ARL8A: variants seen among roughly 807,000 people sequenced by gnomAD.
The protein encoded by ARL8A is ADP-ribosylation factor-like protein 8A.
Under a neutral mutation model 31.2 loss-of-function variants are expected in ARL8A, and 10 were observed. That is an observed-to-expected ratio of 0.32 (90% CI 0.20 to 0.54). The LOEUF (loss-of-function observed/expected upper bound fraction) is 0.54, where lower values mean the gene tolerates loss of function less well. Among genes scored for constraint, ARL8A ranks in the 20% least tolerant of loss-of-function variants. The probability of loss-of-function intolerance (pLI) is 0.93; values close to 1 mark genes in which losing one functional copy is unlikely to be tolerated. For missense variants in ARL8A, 129 were observed against 242.8 expected (o/e 0.53, Z 3.12); for synonymous variants, 70 against 86.9 (o/e 0.81, Z 1.08).
chr1:202,141,597 G>C (rs1242054474), intron 1 of ARL8A, among the ~76,000 whole-genome samples: 1 of 149,600 alleles, frequency 6.7e-6, no homozygotes, highest in Non-Finnish European at 1.5e-5. Flanking sequence ...AGCCGAGACT[G>C]TACCACTGCA....
Position 202,134,546 on chromosome 1 carries a change from G to A in ARL8A, c.512-30C>T, listed in dbSNP as rs750746128. 1 of 1,598,778 alleles carries A rather than the reference G, an allele frequency of 6.3e-7. No homozygotes were observed. The highest frequency in any genetic ancestry group is 1.3e-5 in the African/African-American group (1 of 74,612). ...TAGGAGAAAAGAGAACAGCTTATAA[G>A]GCCTGCAAGTACTGGCCGTGCTGGG... is the stretch of plus-strand genomic sequence containing the variant. On this transcript the variant is annotated intron_variant, in intron 6 of 6. Transcript: ENST00000272217. The surrounding 1 kb of genome is among the most constrained non-coding windows in gnomAD (Gnocchi z 4.2).
Position 202,138,007 on chromosome 1 carries a change from C to T in ARL8A, c.236G>A (p.Arg79His), listed in dbSNP as rs1483120919. ...LWDIGGQPRF[R>H]SMWERYCRGV... The stretch of plus-strand genomic sequence containing the variant: ...TCGGCAGTAGCGCTCCCACATGCTG[C>T]GGAAACGCGGCTGTCCCCCAATGTC... Residue 79 changes from arginine (R) to histidine (H), a missense_variant, in exon 3 of 7, where the codon CGC becomes CAC. Arg to His is a conservative substitution (Grantham distance 29). Transcript: ENST00000272217. The surrounding 1 kb of genome is among the most constrained non-coding windows in gnomAD (Gnocchi z 4.4). 1.2e-6 allele frequency: 2 copies of T among 1,614,096 alleles called. No homozygotes were observed. Among genetic ancestry groups the T allele is most frequent in the Non-Finnish European group, 1.7e-6 (2 of 1,180,044 alleles).
rs374621800 is a variant in ARL8A at position 202,138,535 on chromosome 1, C to T, written c.124-87G>A. 2.1e-4 allele frequency: 274 copies of T among 1,304,904 alleles called. No individual in the cohort carries two copies. The African/African-American group carries it at 3.5e-3, about 17-fold the overall frequency. 80.8% of individuals were successfully genotyped at this position (1,304,904 alleles called of 1,614,324 possible). A position where few individuals can be genotyped will look rare whatever the true frequency, so the allele number is the denominator to read the frequency against. ...AGAGGCTGCGAGAACCATGCAGAGG[C>T]CAGGCCAGAGCTTCCTAGACTTCCC... On this transcript the variant is annotated intron_variant, in intron 1 of 6. Transcript: ENST00000272217. This position sits in a 1 kb window ranked among gnomAD's most constrained non-coding sequence, Gnocchi z 4.4.
At position 202,134,138 on chromosome 1, in the gene ARL8A, T is replaced by A; in HGVS notation, c.*329A>T. On this transcript the variant is annotated 3_prime_UTR_variant, in exon 7 of 7. Coordinates refer to ENST00000272217, the MANE Select transcript of ARL8A (RefSeq NM_138795.4). The surrounding 1 kb of genome is among the most constrained non-coding windows in gnomAD (Gnocchi z 4.2). The stretch of plus-strand genomic sequence containing the variant: ...GTACACACAGGACAATAACAGAGAG[T>A]GTTGAAAAGGGAGGTACAAGAGCGG... The A allele has an allele frequency of 2.8e-6, 1 of 356,428 alleles. No individual in the cohort carries two copies. The highest frequency in any genetic ancestry group is 3.0e-5 in the South Asian group (1 of 33,666). The allele number at this position is 356,428 out of a possible 1,614,324, so 22.1% of individuals were successfully genotyped here.
chr1:202,134,651 T>C lies in ARL8A; in HGVS notation c.512-135A>G, dbSNP rs1489139900. 1.3e-6 allele frequency: 1 copy of C among 791,846 alleles called. No homozygotes were observed. The allele number at this position is 791,846 out of a possible 1,614,324, so 49.1% of individuals were successfully genotyped here. On this transcript the variant is annotated intron_variant, in intron 6 of 6. Coordinates refer to ENST00000272217, the MANE Select transcript of ARL8A (RefSeq NM_138795.4). The surrounding 1 kb of genome is among the most constrained non-coding windows in gnomAD (Gnocchi z 4.2). ...CAGGAGGGGTGGCGCACACCTGGAGTCTCAGCTACATGGGAAGCTCAGGTG... is the reference window on the plus strand; with the variant it reads ...CAGGAGGGGTGGCGCACACCTGGAGCCTCAGCTACATGGGAAGCTCAGGTG...
intron 1 of ARL8A, among the ~76,000 whole-genome samples, chr1:202,139,190 T>C (rs1191617155): frequency 6.6e-6 from 1 of 152,162 alleles, no homozygotes; most frequent in Non-Finnish European, 1.5e-5. Flanking sequence ...ACCTACAGTC[T>C]TCAAATAAGG....
At position 202,135,495 on chromosome 1, in the gene ARL8A, G is replaced by A. The variant is rs199641249; in HGVS notation, c.404C>T (p.Pro135Leu). Residue 135 changes from proline (P) to leucine (L), a missense_variant, in exon 5 of 7, where the codon CCG becomes CTG. Physicochemically the swap from Pro to Leu is moderately conservative, Grantham distance 98 (BLOSUM62 -3). Transcript: ENST00000272217. This position sits in a 1 kb window ranked among gnomAD's most constrained non-coding sequence, Gnocchi z 5.3. The part of the protein sequence containing the change: ...VLVLGNKRDL[P>L]GALDEKELIE... ...CAGCTCCTTCTCATCCAATGCTCCC[G>A]GAAGGTCTCGCTTGTTACCCAGGAC... The A allele has an allele frequency of 1.9e-5, 31 of 1,614,058 alleles. No individual in the cohort carries two copies. The East Asian group carries it at 2.7e-4, about 14-fold the overall frequency.
chr1:202,136,262 T>G (rs1411729739), intron 3 of ARL8A, among the ~76,000 whole-genome samples: 2 of 152,124 alleles, frequency 1.3e-5, no homozygotes, highest in East Asian at 1.9e-4. Flanking sequence ...CATATATATA[T>G]AGAATAAATT....
In ARL8A at chr1:202,144,577, G is replaced by A; in HGVS notation, c.-5C>T. ...CTTGTTGAACAAAGCGATCATGGTC[G>A]CTGCCGCCGGCCCCGCCCGGTGCCA... is the stretch of plus-strand genomic sequence containing the variant. On this transcript the variant is annotated 5_prime_UTR_variant, in exon 1 of 7. Coordinates refer to ENST00000272217, the MANE Select transcript of ARL8A (RefSeq NM_138795.4). This position sits in a 1 kb window ranked among gnomAD's most constrained non-coding sequence, Gnocchi z 5.2. 1.4e-6 allele frequency: 2 copies of A among 1,420,042 alleles called. No homozygotes were observed. The highest frequency in any genetic ancestry group is 1.9e-6 in the Non-Finnish European group (2 of 1,065,258). The allele number at this position is 1,420,042 out of a possible 1,614,324, so 88.0% of individuals were successfully genotyped here.
chr1:202,135,461 T>A lies in ARL8A; in HGVS notation c.438A>T (p.Lys146Asn). ...GALDEKELIE[K>N]MNLSAIQDRE... Reference sequence around the variant, plus strand: ...TAATATAGAGTCACCCAACTCACATTTTCTCAATCAGCTCCTTCTCATCCA... The same window carrying A: ...TAATATAGAGTCACCCAACTCACATATTCTCAATCAGCTCCTTCTCATCCA... Residue 146 changes from lysine (K) to asparagine (N), a missense_variant and splice_region_variant, in exon 5 of 7, where the codon AAA (lysine) becomes AAT (asparagine). Physicochemically the swap from Lys to Asn is moderately conservative, Grantham distance 94. Coordinates refer to ENST00000272217, the MANE Select transcript of ARL8A (RefSeq NM_138795.4). This position sits in a 1 kb window ranked among gnomAD's most constrained non-coding sequence, Gnocchi z 5.3. 1.2e-6 allele frequency: 2 copies of A among 1,613,994 alleles called. No homozygotes were observed. The highest frequency in any genetic ancestry group is 1.7e-6 in the Non-Finnish European group (2 of 1,179,928).
At chr1:202,141,611 C>T (rs1442988141) in intron 1 of ARL8A, among the ~76,000 whole-genome samples, 1 of 150,638 alleles carries the variant, frequency 6.6e-6, no homozygotes, top group Non-Finnish European at 1.5e-5. Context: ...CACTGCACTC[C>T]CAGCCTGGGT....
In ARL8A at chr1:202,135,779, G is replaced by T. The variant is rs770289677; in HGVS notation, c.300C>A (p.Asp100Glu). The T allele has an allele frequency of 6.2e-7, 1 of 1,614,024 alleles. No homozygotes were observed. Among genetic ancestry groups the T allele is most frequent in the Non-Finnish European group, 8.5e-7 (1 of 1,180,006 alleles). ...SAIVYMVDAA[D>E]QEKIEASKNE... ...TCTTAGAGGCCTCAATCTTCTCCTG[G>T]TCAGCAGCATCCACCATGTACCTGG... Residue 100 changes from aspartate (D) to glutamate (E), a missense_variant, in exon 4 of 7, where the codon GAC becomes GAA. Asp to Glu is a conservative substitution (Grantham distance 45). Coordinates refer to ENST00000272217, the MANE Select transcript of ARL8A (RefSeq NM_138795.4). This position sits in a 1 kb window ranked among gnomAD's most constrained non-coding sequence, Gnocchi z 5.3.
In ARL8A at chr1:202,138,326, C is replaced by CACACACACAA. The variant is rs1553316578; in HGVS notation, c.204+41_204+42insTTGTGTGTGT. On this transcript the variant is annotated intron_variant, in intron 2 of 6. Coordinates refer to ENST00000272217, the MANE Select transcript of ARL8A (RefSeq NM_138795.4). This position sits in a 1 kb window ranked among gnomAD's most constrained non-coding sequence, Gnocchi z 4.4. ...ACACACACACACACACACACACACACAAAAACAGTCCTCTGCACCCCCCAA... is the reference window on the plus strand; with the variant it reads ...ACACACACACACACACACACACACACACACACACAAAAAAACAGTCCTCTGCACCCCCCAA... 6.6e-7 allele frequency: 1 copy of CACACACACAA among 1,504,080 alleles called. No homozygotes were observed. The highest frequency in any genetic ancestry group is 1.4e-5 in the African/African-American group (1 of 69,064). The allele number at this position is 1,504,080 out of a possible 1,614,324, so 93.2% of individuals were successfully genotyped here. A position where few individuals can be genotyped will look rare whatever the true frequency, so the allele number is the denominator to read the frequency against.
At chr1:202,137,832 G>T in intron 3 of ARL8A, 133 bp downstream of exon 3, 1 of 943,982 alleles carries the variant, frequency 1.1e-6, no homozygotes, top group Non-Finnish European at 1.6e-6. Context: ...ATAAACGCAG[G>T]CCCTGGACCG....
chr1:202,144,711 G>C lies in ARL8A; in HGVS notation c.-139C>G. Reference sequence around the variant, plus strand: ...GGGCGGAGGCTCGAGCGCGGCTGCCGACGACTCGCTGCCCCGGAATCGGCT... The same window carrying C: ...GGGCGGAGGCTCGAGCGCGGCTGCCCACGACTCGCTGCCCCGGAATCGGCT... On this transcript the variant is annotated 5_prime_UTR_variant, in exon 1 of 7. Coordinates refer to ENST00000272217, the MANE Select transcript of ARL8A (RefSeq NM_138795.4). This position sits in a 1 kb window ranked among gnomAD's most constrained non-coding sequence, Gnocchi z 5.2. 1.1e-6 allele frequency: 1 copy of C among 898,816 alleles called. No homozygotes were observed. Among genetic ancestry groups the C allele is most frequent in the Non-Finnish European group, 1.4e-6 (1 of 739,492 alleles). 55.7% of individuals were successfully genotyped at this position (898,816 alleles called of 1,614,324 possible). A position where few individuals can be genotyped will look rare whatever the true frequency, so the allele number is the denominator to read the frequency against.
rs1324007877 is a variant in ARL8A at position 202,135,304 on chromosome 1, C to A, written c.441-84G>T. 10 of 1,488,492 alleles carry A rather than the reference C, an allele frequency of 6.7e-6. No homozygotes were observed. Among genetic ancestry groups the A allele is most frequent in the South Asian group, 3.4e-5 (3 of 88,234 alleles). 92.2% of individuals were successfully genotyped at this position (1,488,492 alleles called of 1,614,324 possible). A position where few individuals can be genotyped will look rare whatever the true frequency, so the allele number is the denominator to read the frequency against. On this transcript the variant is annotated intron_variant, in intron 5 of 6. Coordinates refer to ENST00000272217, the MANE Select transcript of ARL8A (RefSeq NM_138795.4). This position sits in a 1 kb window ranked among gnomAD's most constrained non-coding sequence, Gnocchi z 5.3. Reference sequence around the variant, plus strand: ...AGGGGACAGCGGGGCCTTTTTCTTACCTAAGAGGCTACAAAGGGGAGGGTG... The same window carrying A: ...AGGGGACAGCGGGGCCTTTTTCTTAACTAAGAGGCTACAAAGGGGAGGGTG...
chr1:202,141,175 G>A (rs191170627), intron 1 of ARL8A, among the ~76,000 whole-genome samples: 1 of 152,234 alleles, frequency 6.6e-6, no homozygotes, highest in African/African-American at 2.4e-5. Flanking sequence ...AGCTAAGGTG[G>A]AATCAGATTA....
At position 202,138,353 on chromosome 1, in the gene ARL8A, C is replaced by T; in HGVS notation, c.204+15G>A. On this transcript the variant is annotated intron_variant, in intron 2 of 6. Transcript: ENST00000272217. This position sits in a 1 kb window ranked among gnomAD's most constrained non-coding sequence, Gnocchi z 4.4. ...AAAACAGTCCTCTGCACCCCCCAAG[C>T]TTCTGGGCCCTCACCTTGATAGTCA... 2 of 1,609,528 alleles carry T rather than the reference C, an allele frequency of 1.2e-6. No homozygotes were observed. Among genetic ancestry groups the T allele is most frequent in the Non-Finnish European group, 1.7e-6 (2 of 1,176,214 alleles).
chr1:202,136,434 C>T (rs1177476853), intron 3 of ARL8A, among the ~76,000 whole-genome samples: 1 of 152,176 alleles, frequency 6.6e-6, no homozygotes, highest in African/African-American at 2.4e-5. Flanking sequence ...CACATGCCGC[C>T]ACGCCCGGCT....
Sources: allele counts gnomAD v4.1 joint callset (sites outside exome capture counted in the v4.1 genomes callset), GRCh38; gene constraint gnomAD v4.1.1; non-coding constraint Gnocchi (gnomAD v3.1); transcripts MANE v1.5; gene names NCBI Gene and HGNC (gene_info 2026-07-23, HGNC 2026-07-21).